Variants in SGK3 observed in about 807,000 individuals in gnomAD.
SGK3 encodes the protein serum/glucocorticoid regulated kinase family member 3, also known as serine/threonine-protein kinase Sgk3.
Under a neutral mutation model 68.5 loss-of-function variants are expected in SGK3, and 47 were observed. The ratio of observed to expected loss-of-function variants is 0.69; its 90% confidence interval spans 0.54 to 0.87. The LOEUF (loss-of-function observed/expected upper bound fraction) is 0.87, where lower values mean the gene tolerates loss of function less well. SGK3 is among the 40% of genes least tolerant of loss of function. The pLI, the probability that SGK3 is intolerant of heterozygous loss-of-function variation, is 0.00. For missense variants in SGK3, 479 were observed against 575.5 expected (o/e 0.83, Z 1.72); for synonymous variants, 181 against 189.1 (o/e 0.96, Z 0.35).
chr8:66,798,360 A>G (rs1483678591), intron 2 of SGK3, among the ~76,000 whole-genome samples, 182 bp from the exon 3 acceptor site: 3 of 152,064 alleles, frequency 2.0e-5, no homozygotes, highest in African/African-American at 4.8e-5. Flanking sequence ...ATGTTTATGT[A>G]TCTTAGAGAA....
At chr8:66,840,687 G>T (rs1809764622) in intron 12 of SGK3, 1 of 210,264 alleles carries the variant, frequency 4.8e-6, no homozygotes. Context: ...GCCGGGTGTG[G>T]TGGCTCACGC....
chr8:66,729,099 G>C (rs1234884370), intron 1 of SGK3, among the ~76,000 whole-genome samples: 1 of 151,426 alleles, frequency 6.6e-6, no homozygotes, highest in African/African-American at 2.4e-5. Context: ...GGCACCTGTA[G>C]TCCCAGCTAC....
intron 3 of SGK3, among the ~76,000 whole-genome samples, chr8:66,800,608 A>G (rs554951427): frequency 6.6e-5 from 10 of 152,070 alleles, no homozygotes; most frequent in Non-Finnish European, 1.3e-4. Flanking sequence ...AAATCAAACA[A>G]TGTCTAGCTG....
intron 1 of SGK3, chr8:66,737,130 G>A (rs991478597): frequency 1.3e-5 from 2 of 150,782 alleles, no homozygotes; most frequent in Middle Eastern, 3.4e-3. Context: ...CACCTGGCCC[G>A]ATATTCTTAA....
chr8:66,825,099 A>T (rs1160881930), intron 6 of SGK3, among the ~76,000 whole-genome samples: 1 of 152,198 alleles, frequency 6.6e-6, no homozygotes, highest in African/African-American at 2.4e-5. Context: ...CTTGCCTTGC[A>T]GTGGAAGACA....
intron 1 of SGK3, chr8:66,775,227 G>A (rs1211051601): frequency 1.3e-5 from 2 of 152,400 alleles, no homozygotes; most frequent in Non-Finnish European, 1.5e-5. Flanking sequence ...TGGCGCCGCT[G>A]GGAGCTGGTG....
intron 4 of SGK3, among the ~76,000 whole-genome samples, chr8:66,807,733 A>G (rs1808222442): frequency 6.6e-6 from 1 of 152,206 alleles, no homozygotes; most frequent in African/African-American, 2.4e-5. Context: ...TAGTGTTTAG[A>G]AAAACTGTGA....
At chr8:66,838,777 A>G (rs997210517) in intron 10 of SGK3, among the ~76,000 whole-genome samples, 1 of 152,198 alleles carries the variant, frequency 6.6e-6, no homozygotes, top group Non-Finnish European at 1.5e-5. Flanking sequence ...GTTAAAGATG[A>G]GGAGAAAGGA....
intron 1 of SGK3, among the ~76,000 whole-genome samples, chr8:66,754,686 T>C (rs1405263678): frequency 6.6e-6 from 1 of 152,284 alleles, no homozygotes; most frequent in Non-Finnish European, 1.5e-5. Flanking sequence ...ACAAAATTTG[T>C]ATGCATTGAA....
chr8:66,773,346 G>A (rs1346838201), intron 1 of SGK3, among the ~76,000 whole-genome samples: 1 of 152,160 alleles, frequency 6.6e-6, no homozygotes, highest in African/African-American at 2.4e-5. Flanking sequence ...CCAAACGTGA[G>A]GACTGAGAGG....
intron 2 of SGK3, 41 bp from the exon 3 acceptor site, chr8:66,798,501 A>G (rs1807794240): frequency 6.5e-7 from 1 of 1,538,502 alleles, no homozygotes; most frequent in African/African-American, 1.4e-5. Flanking sequence ...GGTTTTTTGC[A>G]ATTAAATTGT....
At chr8:66,758,037 C>T (rs1329273329) in intron 1 of SGK3, among the ~76,000 whole-genome samples, 1 of 149,530 alleles carries the variant, frequency 6.7e-6, no homozygotes. Context: ...CACACACACA[C>T]CCTTTACATG....
intron 10 of SGK3, among the ~76,000 whole-genome samples, chr8:66,837,588 C>G (rs1175924462): frequency 6.6e-6 from 1 of 152,080 alleles, no homozygotes; most frequent in African/African-American, 2.4e-5. Flanking sequence ...CAAGACTAGC[C>G]TGGGCAACAT....
intron 1 of SGK3, among the ~76,000 whole-genome samples, chr8:66,764,036 T>C (rs559029244): frequency 6.6e-6 from 1 of 152,168 alleles, no homozygotes; most frequent in Admixed American, 6.5e-5. Flanking sequence ...CACACCCGGC[T>C]AATTTTTATA....
intron 1 of SGK3, among the ~76,000 whole-genome samples, chr8:66,770,153 C>T (rs746618457): frequency 4.6e-5 from 7 of 151,852 alleles, no homozygotes; most frequent in African/African-American, 7.3e-5. Flanking sequence ...ATGGAGTTTC[C>T]CCGTGTTTGC....
intron 6 of SGK3, among the ~76,000 whole-genome samples, chr8:66,825,201 T>G (rs149203354): frequency 6.6e-6 from 1 of 152,288 alleles, no homozygotes; most frequent in African/African-American, 2.4e-5. Flanking sequence ...CTTTTTTTCT[T>G]TTTTCATCCA....
chr8:66,780,245 A>C (rs1455504845), intron 1 of SGK3, among the ~76,000 whole-genome samples: 1 of 152,178 alleles, frequency 6.6e-6, no homozygotes, highest in Non-Finnish European at 1.5e-5. Context: ...TGGTCACTGA[A>C]CATCTCACTA....
intron 1 of SGK3, among the ~76,000 whole-genome samples, chr8:66,792,054 G>A (rs945377946): frequency 6.6e-6 from 1 of 152,176 alleles, no homozygotes. Context: ...TGACTGCTGG[G>A]CGCAGTGGTT....
At chr8:66,720,541 G>A (rs1269746300) in intron 1 of SGK3, among the ~76,000 whole-genome samples, 3 of 151,926 alleles carry the variant, frequency 2.0e-5, no homozygotes, top group Non-Finnish European at 2.9e-5. Flanking sequence ...AGGCCAAGGC[G>A]GGTGGATCAC....
Sources: allele counts gnomAD v4.1 joint callset (sites outside exome capture counted in the v4.1 genomes callset), GRCh38; gene constraint gnomAD v4.1.1; transcripts MANE v1.5; gene names NCBI Gene and HGNC (gene_info 2026-07-23, HGNC 2026-07-21).